NOTCH1: variants seen among roughly 807,000 people sequenced by gnomAD.
The protein encoded by NOTCH1 is neurogenic locus notch homolog protein 1.
In NOTCH1, 37 loss-of-function variants were observed where a neutral mutation model predicts 254.8. That is an observed-to-expected ratio of 0.15 (90% confidence interval 0.11 to 0.19). The LOEUF (loss-of-function observed/expected upper bound fraction) is 0.19. Among genes scored for constraint, NOTCH1 ranks in the 10% least tolerant of loss-of-function variants. NOTCH1 has a pLI of 1.00. For missense variants in NOTCH1, 2,972 were observed against 3,708.6 expected (o/e 0.80, Z 5.16); for synonymous variants, 1,731 against 1,618.1 (o/e 1.07, Z -1.68).
At chr9:136,503,000 G>T in intron 27 of NOTCH1, 182 bp downstream of exon 27, 1 of 883,348 alleles carries the variant, frequency 1.1e-6, no homozygotes, top group Non-Finnish European at 1.8e-6. Context: ...ACCGGCAGCT[G>T]TGACCGCCGC....
chr9:136,508,176 G>A (rs1215920364), intron 20 of NOTCH1, 37 bp from the exon 21 acceptor site: 3 of 1,608,464 alleles, frequency 1.9e-6, no homozygotes, highest in East Asian at 4.5e-5. Flanking sequence ...TGAGGCCCAG[G>A]CCCACAGAGG....
In NOTCH1 at chr9:136,523,752, G is replaced by A. The variant is rs187473846; in HGVS notation, c.368C>T (p.Thr123Met). ...NGGTCDLLTLTEYKCRCPPGW... is the reference protein window; with the variant it reads ...NGGTCDLLTLMEYKCRCPPGW... ...GGGCGGGCAGCGGCACTTGTACTCC[G>A]TCAGCGTGAGCAGGTCGCAGGTGCC... The change falls in exon 3 of 34, where the codon ACG becomes ATG. Residue 123 changes from threonine to methionine, a missense_variant. Transcript: ENST00000651671. 6.4e-4 allele frequency: 1,028 copies of A among 1,610,804 alleles called. 4 individuals are homozygous for A. The highest frequency in any genetic ancestry group is 3.2e-3 in the Middle Eastern group (18 of 5,604).
intron 2 of NOTCH1, among the ~76,000 whole-genome samples, chr9:136,539,991 AG>A (rs1389238960): frequency 2.6e-5 from 4 of 152,204 alleles, no homozygotes; most frequent in African/African-American, 9.7e-5. Flanking sequence ...GGCTGTGTTT[AG>A]GGACATTCGC....
At chr9:136,530,385 C>T (rs943935130) in intron 2 of NOTCH1, among the ~76,000 whole-genome samples, 11 of 152,220 alleles carry the variant, frequency 7.2e-5, no homozygotes, top group East Asian at 1.9e-4. Flanking sequence ...CCTGTCCTCC[C>T]GGGAAGCTAC....
At chr9:136,530,165 G>A (rs1843536909) in intron 2 of NOTCH1, among the ~76,000 whole-genome samples, 2 of 152,352 alleles carry the variant, frequency 1.3e-5, no homozygotes, top group African/African-American at 4.8e-5. Context: ...CCGCCACAGC[G>A]CAGGGACCCA....
intron 30 of NOTCH1, among the ~76,000 whole-genome samples, 182 bp downstream of exon 30, chr9:136,501,566 A>G (rs981880525): frequency 6.6e-6 from 1 of 152,120 alleles, no homozygotes; most frequent in Non-Finnish European, 1.5e-5. Context: ...GGGTTGGTGG[A>G]AGAACAGGAG....
chr9:136,508,435 C>G (rs769875668), intron 19 of NOTCH1, 50 bp from the exon 20 acceptor site: 2 of 1,611,508 alleles, frequency 1.2e-6, no homozygotes, highest in Non-Finnish European at 1.7e-6. Flanking sequence ...GCCATTTCCC[C>G]GGTAGCTCAG....
chr9:136,505,466 C>T lies in NOTCH1; in HGVS notation c.4430G>A (p.Gly1477Asp), dbSNP rs1346928665. Residue 1477 changes from glycine to aspartate, a missense_variant, in exon 25 of 34, where the codon GGT (glycine) becomes GAT (aspartate). Gly to Asp is a moderately conservative substitution (Grantham distance 94). Coordinates refer to ENST00000651671, the MANE Select transcript of NOTCH1 (RefSeq NM_017617.5). ...CNNHACGWDG[G>D]DCSLNFNDPW... ...GTCATTGAAGTTGAGGGAGCAGTCA[C>T]CGCCGTCCCAGCCGCACGCGTGGTT... The T allele has an allele frequency of 6.2e-7, 1 of 1,612,744 alleles. No homozygotes were observed. Among genetic ancestry groups the T allele is most frequent in the African/African-American group, 1.3e-5 (1 of 74,934 alleles).
chr9:136,523,884 C>A lies in NOTCH1; in HGVS notation c.236G>T (p.Arg79Leu), dbSNP rs768517628. 6.2e-7 allele frequency: 1 copy of A among 1,609,476 alleles called. No individual in the cohort carries two copies. Among genetic ancestry groups the A allele is most frequent in the Non-Finnish European group, 8.5e-7 (1 of 1,178,650 alleles). ...KNAGTCHVVD[R>L]RGVADYACSC... ...GCAGGCATAGTCTGCCACGCCTCTG[C>A]GGTCCACCACGTGGCATGTCCCGGC... The change falls in exon 3 of 34, where the codon CGC (arginine) becomes CTC (leucine). Residue 79 changes from arginine (R) to leucine (L), a missense_variant. Arg to Leu is a moderately radical substitution (Grantham distance 102). Transcript: ENST00000651671.
Position 136,518,473 on chromosome 9 carries a change from G to C in NOTCH1, c.1099+118C>G, listed in dbSNP as rs1426044504. 7 of 1,140,930 alleles carry C rather than the reference G, an allele frequency of 6.1e-6. No individual in the cohort carries two copies. The East Asian group carries it at 1.8e-4, about 29-fold the overall frequency. 70.7% of individuals were successfully genotyped at this position (1,140,930 alleles called of 1,614,324 possible). A position where few individuals can be genotyped will look rare whatever the true frequency, so the allele number is the denominator to read the frequency against. Reference sequence around the variant, plus strand: ...CAGCGACCACCGGCCTCCCTGACCAGAAAGGCCCTTTCAGGTTATCCTGGG... The same window carrying C: ...CAGCGACCACCGGCCTCCCTGACCACAAAGGCCCTTTCAGGTTATCCTGGG... On this transcript the variant is annotated intron_variant, in intron 6 of 33. Coordinates refer to ENST00000651671, the MANE Select transcript of NOTCH1 (RefSeq NM_017617.5).
intron 4 of NOTCH1, among the ~76,000 whole-genome samples, chr9:136,521,979 T>TC (rs1350158793): frequency 2.1e-5 from 3 of 143,894 alleles, no homozygotes; most frequent in African/African-American, 8.0e-5. Context: ...TCTCTTCACT[T>TC]TTTTTTTTTT....
At chr9:136,526,575 G>A (rs1843463700) in intron 2 of NOTCH1, among the ~76,000 whole-genome samples, 1 of 152,168 alleles carries the variant, frequency 6.6e-6, no homozygotes, top group South Asian at 2.1e-4. Context: ...GGGAGACGCT[G>A]GAGGTCCGAG....
In NOTCH1 at chr9:136,522,961, T is replaced by C. The variant is rs376902925; in HGVS notation, c.631A>G (p.Thr211Ala). 210 of 1,558,008 alleles carry C rather than the reference T, an allele frequency of 1.3e-4. No homozygotes were observed. Among genetic ancestry groups the C allele is most frequent in the Non-Finnish European group, 9.9e-5 (114 of 1,151,746 alleles). ...TAGGGCCGCTCGCAGTTGGGGCCAG[T>C]GTGGGTGGCGCGGCAGACGCAGCGG... ...SYRCVCRATH[T>A]GPNCERPYVP... Residue 211 changes from threonine (T) to alanine (A), a missense_variant, in exon 4 of 34, where the codon ACT becomes GCT. This residue lies in a region of NOTCH1 where 374 missense variants were observed against 496.3 expected (regional missense o/e 0.75). Transcript: ENST00000651671.
At chr9:136,528,548 A>T (rs1843510878) in intron 2 of NOTCH1, among the ~76,000 whole-genome samples, 8 of 130,362 alleles carry the variant, frequency 6.1e-5, no homozygotes, top group Admixed American at 3.8e-4. Context: ...GGGCAGGGAC[A>T]GTTGGTGGGA....
At position 136,508,881 on chromosome 9, in the gene NOTCH1, G is replaced by A. The variant is rs1018501056; in HGVS notation, c.3160C>T (p.Pro1054Ser). 2 of 1,545,924 alleles carry A rather than the reference G, an allele frequency of 1.3e-6. No individual in the cohort carries two copies. The highest frequency in any genetic ancestry group is 1.4e-5 in the African/African-American group (1 of 72,948). ...RCTCPQGYTGPNCQNLVHWCD... is the reference protein window; with the variant it reads ...RCTCPQGYTGSNCQNLVHWCD... ...GCCGGCGCACTCACCTGGCAGTTGGGGCCAGTGTAGCCCTGGGGGCAGGTG... is the reference window on the plus strand; with the variant it reads ...GCCGGCGCACTCACCTGGCAGTTGGAGCCAGTGTAGCCCTGGGGGCAGGTG... Residue 1054 changes from proline (P) to serine (S), a missense_variant, in exon 19 of 34, where the codon CCC (proline) becomes TCC (serine). Coordinates refer to ENST00000651671, the MANE Select transcript of NOTCH1 (RefSeq NM_017617.5).
rs544117297 is a variant in NOTCH1 at position 136,515,611 on chromosome 9, C to A, written c.1775G>T (p.Arg592Leu). Residue 592 changes from arginine to leucine, a missense_variant, in exon 11 of 34, where the codon CGC becomes CTC. By Grantham distance (102) the Arg-to-Leu change is moderately radical. Transcript: ENST00000651671. ...DGVATFTCLC[R>L]PGYTGHHCET... ...GCAGTGGTGGCCCGTGTAGCCTGGG[C>A]GGCAGAGGCAGGTGAAGGTGGCGAC... 1.9e-6 allele frequency: 3 copies of A among 1,608,580 alleles called. No homozygotes were observed. The highest frequency in any genetic ancestry group is 2.2e-5 in the East Asian group (1 of 44,778).
Position 136,540,125 on chromosome 9 carries a change from C to T in NOTCH1, c.140+3899G>A, listed in dbSNP as rs926698096. On this transcript the variant is annotated intron_variant, in intron 2 of 33. Transcript: ENST00000651671. This position sits in a 1 kb window ranked among gnomAD's most constrained non-coding sequence, Gnocchi z 4.4. ...TCGGTGCCTGATCCAGACAGCTTTA[C>T]GGGGCTGCCGGGAGCTATGCCAGGC... Among the ~76,000 whole-genome samples the T allele has an allele frequency of 6.6e-6, 1 of 152,304 alleles. No individual in the cohort carries two copies. The highest frequency in any genetic ancestry group is 1.9e-4 in the East Asian group (1 of 5,180).
At chr9:136,507,117 G>A (rs537884578) in intron 22 of NOTCH1, 144 bp from the exon 23 acceptor site, 12 of 1,444,956 alleles carry the variant, frequency 8.3e-6, no homozygotes, top group African/African-American at 2.8e-5. Flanking sequence ...CCGTGGAGAC[G>A]CCCTTCCCAC....
chr9:136,515,767 G>A (rs773983466), intron 10 of NOTCH1, 51 bp from the exon 11 acceptor site: 95 of 1,490,802 alleles, frequency 6.4e-5, no homozygotes, highest in Non-Finnish European at 7.7e-5. Context: ...GGCGGCCCCC[G>A]GGACACCCAT....
Sources: gnomAD v4.1 joint callset for allele counts (sites outside exome capture counted in the v4.1 genomes callset) on GRCh38, gnomAD v4.1.1 for gene constraint, gnomAD v4.1.1 regional missense constraint, Gnocchi (gnomAD v3.1) non-coding constraint, MANE v1.5 for transcripts, NCBI Gene and HGNC (gene_info 2026-07-23, HGNC 2026-07-21) for gene names.